Variants in CLMN observed in about 807,000 individuals in gnomAD.
The protein encoded by CLMN is calmin (calponin-like, transmembrane).
A neutral mutation model predicts 92.7 loss-of-function variants in CLMN; 57 were observed. The ratio of observed to expected loss-of-function variants is 0.61; its 90% CI spans 0.50 to 0.77. The LOEUF is 0.77. Among genes scored for constraint, CLMN ranks in the 30% least tolerant of loss-of-function variants. The pLI is 0.00. For synonymous variants in CLMN, 466 were observed against 470.6 expected, an observed-to-expected ratio of 0.99 and a Z score of 0.13; for missense variants, 1,158 against 1,237.5, an observed-to-expected ratio of 0.94 and a Z score of 0.96.
chr14:95,204,475 AAC>A lies in CLMN; in HGVS notation c.886-14_886-13del. On this transcript the variant is annotated splice_polypyrimidine_tract_variant and intron_variant, in intron 8 of 12. Coordinates refer to ENST00000298912, the MANE Select transcript of CLMN (RefSeq NM_024734.4). ...TCGAAAATATCTTCCTGCAAAAAAA[AAC>A]AAAAACAAACAAACAAAAAAAAACA... 2 of 1,545,876 alleles carry A rather than the reference AAC, an allele frequency of 1.3e-6. No homozygotes were observed. Among genetic ancestry groups the A allele is most frequent in the Non-Finnish European group, 1.7e-6 (2 of 1,152,634 alleles).
chr14:95,281,967 A>C (rs187186454), intron 1 of CLMN, among the ~76,000 whole-genome samples: 15 of 152,322 alleles, frequency 9.8e-5, no homozygotes, highest in Non-Finnish European at 2.1e-4. Flanking sequence ...AATTCACGAA[A>C]GAGCTGCCCT....
intron 12 of CLMN, chr14:95,193,194 T>A: frequency 1.6e-6 from 1 of 635,002 alleles, no homozygotes; most frequent in Non-Finnish European, 2.8e-6. Context: ...TCAACAGGAA[T>A]GGGGACGTCT....
intron 1 of CLMN, among the ~76,000 whole-genome samples, chr14:95,250,216 C>T (rs1426855173): frequency 3.3e-5 from 5 of 152,186 alleles, no homozygotes; most frequent in African/African-American, 1.2e-4. Flanking sequence ...TTGATGAAGC[C>T]ATTGTAAGTC....
intron 9 of CLMN, among the ~76,000 whole-genome samples, chr14:95,201,652 G>A (rs1304700655): frequency 1.3e-5 from 2 of 150,710 alleles, no homozygotes; most frequent in Non-Finnish European, 2.9e-5. Flanking sequence ...AAGTGTCATG[G>A]TAGTTTGCTG....
chr14:95,229,805 C>T (rs1897825987), intron 2 of CLMN, among the ~76,000 whole-genome samples: 1 of 152,102 alleles, frequency 6.6e-6, no homozygotes, highest in African/African-American at 2.4e-5. Flanking sequence ...TGAACGTCTT[C>T]CACCATCTGC....
At chr14:95,208,799 G>A (rs1172949619) in intron 8 of CLMN, among the ~76,000 whole-genome samples, 3 of 152,184 alleles carry the variant, frequency 2.0e-5, no homozygotes, top group Non-Finnish European at 2.9e-5. Context: ...TTCAAATGGA[G>A]TGCTGTTCTG....
At chr14:95,289,364 G>A (rs995644293) in intron 1 of CLMN, among the ~76,000 whole-genome samples, 10 of 151,924 alleles carry the variant, frequency 6.6e-5, no homozygotes, top group African/African-American at 9.7e-5. Context: ...GTGGTGGGGC[G>A]TGCCTGTAGT....
chr14:95,204,527 C>G lies in CLMN; in HGVS notation c.886-64G>C, dbSNP rs114347334. 1,001 of 1,398,556 alleles carry G rather than the reference C, an allele frequency of 7.2e-4. 8 individuals are homozygous for G. The African/African-American group carries it at 0.013, about 18-fold the overall frequency. The allele number at this position is 1,398,556 out of a possible 1,614,324, so 86.6% of individuals were successfully genotyped here. A position where few individuals can be genotyped will look rare whatever the true frequency, so the allele number is the denominator to read the frequency against. On this transcript the variant is annotated intron_variant, in intron 8 of 12. Transcript: ENST00000298912. ...AAAAGAACAACAACAAAAAAAAGCA[C>G]AGAGCAACATGAGTAAGAAGAATAT...
At chr14:95,245,798 G>GAAT (rs1898541593) in intron 1 of CLMN, among the ~76,000 whole-genome samples, 2 of 149,958 alleles carry the variant, frequency 1.3e-5, no homozygotes, top group African/African-American at 4.9e-5. Context: ...TTGGATTATT[G>GAAT]GATGGATGGA....
intron 12 of CLMN, chr14:95,192,664 G>A (rs2140556053): frequency 1.3e-5 from 2 of 152,448 alleles, no homozygotes; most frequent in South Asian, 4.1e-4. Context: ...ACAGAAACAA[G>A]TTAAACTATA....
chr14:95,271,453 T>C (rs1397708672), intron 1 of CLMN, among the ~76,000 whole-genome samples: 1 of 152,136 alleles, frequency 6.6e-6, no homozygotes, highest in Non-Finnish European at 1.5e-5. Context: ...TGGGGTCCCC[T>C]CTCCTTTTAC....
In CLMN at chr14:95,223,803, T is replaced by C. The variant is rs1486889016; in HGVS notation, c.197A>G (p.Lys66Arg). ...KDLFVDIQDG[K>R]ILMALLEVLS... The stretch of plus-strand genomic sequence containing the variant: ...GACTTCTAACAAAGCCATTAGGATT[T>C]TGCCATCTTGTATATCGACGAATAA... The change falls in exon 3 of 13, where the codon AAA becomes AGA. Residue 66 changes from lysine (K) to arginine (R), a missense_variant. Transcript: ENST00000298912. 6.2e-7 allele frequency: 1 copy of C among 1,614,012 alleles called. No individual in the cohort carries two copies.
At chr14:95,199,138 A>G (rs1259961224) in intron 9 of CLMN, 3 of 150,670 alleles carry the variant, frequency 2.0e-5, no homozygotes, top group Non-Finnish European at 4.4e-5. Flanking sequence ...TGCTCCTCCT[A>G]GGGCTTAGGT....
intron 1 of CLMN, among the ~76,000 whole-genome samples, chr14:95,236,829 G>T (rs184593457): frequency 1.3e-5 from 2 of 152,316 alleles, no homozygotes; most frequent in Admixed American, 1.3e-4. Flanking sequence ...TCATGAGGTT[G>T]TGAGGACCAA....
intron 12 of CLMN, 135 bp downstream of exon 12, chr14:95,193,714 T>C: frequency 1.8e-6 from 2 of 1,092,726 alleles, no homozygotes; most frequent in Non-Finnish European, 2.6e-6. Context: ...GAATAGTTAT[T>C]TTCTTGCATT....
Position 95,190,998 on chromosome 14 carries a change from G to C in CLMN, c.*566C>G, listed in dbSNP as rs911105161. The C allele has an allele frequency of 6.6e-6, 1 of 152,274 alleles. No individual in the cohort carries two copies. Among genetic ancestry groups the C allele is most frequent in the Non-Finnish European group, 1.5e-5 (1 of 68,086 alleles). The allele number at this position is 152,274 out of a possible 1,614,324, so 9.4% of individuals were successfully genotyped here. ...TCCCTGGATTCTGCCATTCCTGGAT[G>C]TGCTTACACAGAGCTGGCTGCTCGG... On this transcript the variant is annotated 3_prime_UTR_variant, in exon 13 of 13. Transcript: ENST00000298912.
intron 9 of CLMN, among the ~76,000 whole-genome samples, chr14:95,202,604 G>A (rs536511099): frequency 1.3e-5 from 2 of 152,276 alleles, no homozygotes; most frequent in East Asian, 1.9e-4. Flanking sequence ...GCCAGGACTG[G>A]GGGAAAGCCA....
At chr14:95,277,427 G>A (rs190944156) in intron 1 of CLMN, among the ~76,000 whole-genome samples, 1 of 152,314 alleles carries the variant, frequency 6.6e-6, no homozygotes, top group African/African-American at 2.4e-5. Flanking sequence ...CCACGTGGCA[G>A]TTCTGTCTCT....
chr14:95,207,451 C>T (rs1897077215), intron 8 of CLMN, among the ~76,000 whole-genome samples: 1 of 152,178 alleles, frequency 6.6e-6, no homozygotes, highest in Non-Finnish European at 1.5e-5. Flanking sequence ...CTCTGCAATA[C>T]AATACCAGAA....
Sources: allele counts gnomAD v4.1 joint callset (sites outside exome capture counted in the v4.1 genomes callset), GRCh38; gene constraint gnomAD v4.1.1; transcripts MANE v1.5; gene names NCBI Gene and HGNC (gene_info 2026-07-23, HGNC 2026-07-21).